Variants in DNAI3 observed in about 807,000 individuals in gnomAD.
DNAI3 encodes WD repeat domain 63.
DNAI3 carries 83 observed loss-of-function variants against 115.5 expected under a neutral mutation model. The observed-to-expected ratio is 0.72, with a 90% CI of 0.60 to 0.86. The LOEUF is 0.86. Among genes scored for constraint, DNAI3 ranks in the 40% least tolerant of loss-of-function variants. The probability of loss-of-function intolerance (pLI) is 0.00; values close to 1 mark genes in which losing one functional copy is unlikely to be tolerated. For synonymous variants in DNAI3, 320 were observed against 347.0 expected (o/e 0.92, Z 0.86); for missense variants, 1,004 against 1,075.8 (o/e 0.93, Z 0.93).
At chr1:85,109,930 A>T (rs1000050456) in intron 15 of DNAI3, 118 bp from the exon 16 acceptor site, 5 of 879,108 alleles carry the variant, frequency 5.7e-6, no homozygotes, top group South Asian at 1.7e-5. Flanking sequence ...GGGAAGGAAG[A>T]AAAAAAAGGA....
chr1:85,124,500 G>A lies in DNAI3; in HGVS notation c.2112+249G>A, dbSNP rs539989847. ...TTGTTCTCTGAAACTTAACAGTCTT[G>A]GAATATCTACTGTGGGCAGTTGACT... On this transcript the variant is annotated intron_variant, in intron 19 of 22. Coordinates refer to ENST00000294664, the MANE Select transcript of DNAI3 (RefSeq NM_145172.5). 3.3e-5 allele frequency among the ~76,000 whole-genome samples: 5 copies of A among 152,244 alleles called. No homozygotes were observed. The East Asian group carries it at 5.8e-4, about 18-fold the overall frequency.
intron 13 of DNAI3, 130 bp from the exon 14 acceptor site, chr1:85,104,394 T>C (rs1030480905): frequency 8.8e-6 from 6 of 680,520 alleles, no homozygotes; most frequent in Non-Finnish European, 5.0e-6. Context: ...ATGCTGGGAT[T>C]ACAGGCGTGA....
At chr1:85,067,550 G>A (rs768823015) in intron 1 of DNAI3, among the ~76,000 whole-genome samples, 5 of 152,064 alleles carry the variant, frequency 3.3e-5, no homozygotes, top group African/African-American at 9.7e-5. Flanking sequence ...TTAATTCTAC[G>A]GCAGCACTTC....
rs939830433 is a variant in DNAI3, at chr1:85,063,883, A to G, written c.-15+1397A>G. 3.9e-5 allele frequency among the ~76,000 whole-genome samples: 6 copies of G among 152,224 alleles called. No homozygotes were observed. The South Asian group carries it at 6.2e-4, about 16-fold the overall frequency. On this transcript the variant is annotated intron_variant, in intron 1 of 22. Coordinates refer to ENST00000294664, the MANE Select transcript of DNAI3 (RefSeq NM_145172.5). ...ACATATTTATTTTCACTAACCACCA[A>G]TTGAAATGTATTCAATTGGTAACAA... is the stretch of plus-strand genomic sequence containing the variant.
chr1:85,131,432 G>A (rs896503619), intron 22 of DNAI3, among the ~76,000 whole-genome samples: 5 of 99,292 alleles, frequency 5.0e-5, no homozygotes, highest in South Asian at 7.5e-4. Context: ...CAACAAGAGC[G>A]AAACTCCATC....
intron 7 of DNAI3, among the ~76,000 whole-genome samples, chr1:85,086,837 A>C (rs1654812979): frequency 6.6e-6 from 1 of 151,742 alleles, no homozygotes; most frequent in Admixed American, 6.6e-5. Context: ...AGCCCTGGTA[A>C]TCCTATTAAA....
At chr1:85,109,962 G>C (rs906217791) in intron 15 of DNAI3, 86 bp from the exon 16 acceptor site, 30 of 1,290,094 alleles carry the variant, frequency 2.3e-5, no homozygotes, top group Non-Finnish European at 3.1e-5. Flanking sequence ...TTCAATATGG[G>C]AGCAGAAGGG....
chr1:85,111,918 T>C (rs1489888768), intron 16 of DNAI3, among the ~76,000 whole-genome samples: 1 of 152,102 alleles, frequency 6.6e-6, no homozygotes, highest in Non-Finnish European at 1.5e-5. Flanking sequence ...CTCCCAAAAG[T>C]TTATTCATAG....
chr1:85,071,882 T>C lies in DNAI3; in HGVS notation c.-14-46T>C. 1.9e-6 allele frequency: 3 copies of C among 1,540,640 alleles called. 1 individual carries two copies. The South Asian group carries it at 3.6e-5, about 18-fold the overall frequency. On this transcript the variant is annotated intron_variant, in intron 1 of 22. Coordinates refer to ENST00000294664, the MANE Select transcript of DNAI3 (RefSeq NM_145172.5). ...GTTTAGTATTTGAAATTGTAAGTTG[T>C]TTGCAAATTGTAACAATTTACTAAT...
rs1157536089 is a variant in DNAI3, at chr1:85,081,225, C to T, written c.104-9C>T. The T allele has an allele frequency of 5.2e-6, 8 of 1,542,038 alleles. No individual in the cohort carries two copies. The highest frequency in any genetic ancestry group is 1.7e-4 in the Middle Eastern group (1 of 5,836). ...ATTTAATGTCCAAATTCCACTTTGT[C>T]TTTCCTAGGTCATCCAGAAATTTAT... On this transcript the variant is annotated splice_polypyrimidine_tract_variant and intron_variant, in intron 3 of 22. Coordinates refer to ENST00000294664, the MANE Select transcript of DNAI3 (RefSeq NM_145172.5).
At chr1:85,112,894 G>A (rs1032845016) in intron 16 of DNAI3, among the ~76,000 whole-genome samples, 10 of 152,116 alleles carry the variant, frequency 6.6e-5, no homozygotes, top group African/African-American at 1.7e-4. Context: ...TCAGCCAACC[G>A]AGTACCTGGG....
chr1:85,076,446 G>C (rs1332499965), intron 3 of DNAI3, among the ~76,000 whole-genome samples: 2 of 152,142 alleles, frequency 1.3e-5, no homozygotes, highest in Non-Finnish European at 2.9e-5. Flanking sequence ...CAATACAGAA[G>C]TGCATTAGTC....
At chr1:85,078,082 A>G (rs1380209197) in intron 3 of DNAI3, among the ~76,000 whole-genome samples, 13 of 152,096 alleles carry the variant, frequency 8.5e-5, no homozygotes, top group African/African-American at 3.1e-4. Context: ...ACTGGATCCT[A>G]TGGAACATCA....
intron 7 of DNAI3, 44 bp downstream of exon 7, chr1:85,086,074 T>C: frequency 3.3e-6 from 5 of 1,538,418 alleles, no homozygotes; most frequent in Admixed American, 1.8e-5. Flanking sequence ...CCAGTTACAG[T>C]AAAATCTAGT....
rs770207260 is a variant in DNAI3 at position 85,093,462 on chromosome 1, G to A, written c.862G>A (p.Glu288Lys). The A allele has an allele frequency of 1.2e-6, 2 of 1,613,120 alleles. No individual in the cohort carries two copies. Among genetic ancestry groups the A allele is most frequent in the South Asian group, 1.1e-5 (1 of 90,766 alleles). The change falls in exon 9 of 23, where the codon GAA becomes AAA. Residue 288 changes from glutamate to lysine, a missense_variant. By Grantham distance (56) the Glu-to-Lys change is moderately conservative. Around this residue, in one of 3 missense-constraint regions of DNAI3, gnomAD observed 550 missense variants for 568.1 expected, o/e 0.97. Transcript: ENST00000294664. ...DFLNNASISV[E>K]IALQQNEIMN... ...TTTTTTATTTTTACAAATTAGTGTT[G>A]AAATAGCCCTGCAGCAAAATGAAAT...
rs1655040350 is a variant in DNAI3, at chr1:85,093,492, A to G, written c.892A>G (p.Asn298Asp). The G allele has an allele frequency of 6.2e-7, 1 of 1,614,030 alleles. No individual in the cohort carries two copies. Among genetic ancestry groups the G allele is most frequent in the South Asian group, 1.1e-5 (1 of 91,062 alleles). ...EIALQQNEIM[N>D]TFIDDWKYLA... ...AGCCCTGCAGCAAAATGAAATCATG[A>G]ACACATTTATTGATGACTGGAAATA... The change falls in exon 9 of 23, where the codon AAC becomes GAC. Residue 298 changes from asparagine (N) to aspartate (D), a missense_variant. Around this residue, in one of 3 missense-constraint regions of DNAI3, gnomAD observed 550 missense variants for 568.1 expected, o/e 0.97. Transcript: ENST00000294664.
intron 3 of DNAI3, among the ~76,000 whole-genome samples, chr1:85,077,633 G>C (rs1160697273): frequency 6.6e-6 from 1 of 152,104 alleles, no homozygotes; most frequent in African/African-American, 2.4e-5. Context: ...CTAATCTATA[G>C]TGACAAGAAA....
At chr1:85,127,035 A>G (rs937295461) in intron 20 of DNAI3, among the ~76,000 whole-genome samples, 1 of 152,130 alleles carries the variant, frequency 6.6e-6, no homozygotes, top group Non-Finnish European at 1.5e-5. Context: ...CGATGGGAAC[A>G]TCCTTCTCTT....
chr1:85,132,626 CT>C (rs35427350), intron 22 of DNAI3, among the ~76,000 whole-genome samples: 8,899 of 151,874 alleles, frequency 0.059, 276 homozygotes, highest in South Asian at 0.073. Flanking sequence ...GAAAAAGGGA[CT>C]TTTTTTTGAG....
Sources: allele counts gnomAD v4.1 joint callset (sites outside exome capture counted in the v4.1 genomes callset), GRCh38; gene constraint gnomAD v4.1.1; regional missense constraint gnomAD v4.1.1; transcripts MANE v1.5; gene names NCBI Gene and HGNC (gene_info 2026-07-23, HGNC 2026-07-21).